MB21D2: variants seen among roughly 807,000 people sequenced by gnomAD.
MB21D2 encodes nucleotidyltransferase MB21D2.
In MB21D2, 9 loss-of-function variants were observed where a neutral mutation model predicts 33.3. The observed-to-expected ratio is 0.27, with a 90% confidence interval of 0.16 to 0.47. The LOEUF (loss-of-function observed/expected upper bound fraction) is 0.47. Among genes scored for constraint, MB21D2 ranks in the 20% least tolerant of loss-of-function variants. The pLI is 0.99. For missense variants in MB21D2, 540 were observed against 624.6 expected (o/e 0.86, Z 1.44); for synonymous variants, 241 against 236.3 (o/e 1.02, Z -0.18).
chr3:192,802,777 G>A (rs778577814), intron 1 of MB21D2, among the ~76,000 whole-genome samples: 5 of 152,130 alleles, frequency 3.3e-5, no homozygotes, highest in Non-Finnish European at 7.4e-5. Context: ...TAATGAAATC[G>A]TTTACTCTTC....
intron 1 of MB21D2, among the ~76,000 whole-genome samples, chr3:192,850,158 T>C (rs1712768095): frequency 6.6e-6 from 1 of 152,036 alleles, no homozygotes; most frequent in South Asian, 2.1e-4. Flanking sequence ...GACCTTATGA[T>C]CCACCCGCCT....
chr3:192,830,549 G>A (rs1301910341), intron 1 of MB21D2, among the ~76,000 whole-genome samples: 1 of 152,072 alleles, frequency 6.6e-6, no homozygotes, highest in African/African-American at 2.4e-5. Flanking sequence ...CCAACTTCAT[G>A]AGGCAGCCTC....
intron 1 of MB21D2, among the ~76,000 whole-genome samples, chr3:192,909,204 C>T (rs1001852154): frequency 2.7e-5 from 4 of 150,288 alleles, no homozygotes; most frequent in South Asian, 2.1e-4. Flanking sequence ...TGCAGTGAGC[C>T]GAGATCGCAC....
At chr3:192,821,375 T>A (rs909780827) in intron 1 of MB21D2, among the ~76,000 whole-genome samples, 1 of 152,126 alleles carries the variant, frequency 6.6e-6, no homozygotes, top group Non-Finnish European at 1.5e-5. Flanking sequence ...GTGTGAACTA[T>A]CCACACCTGC....
At chr3:192,810,088 C>T (rs985011226) in intron 1 of MB21D2, among the ~76,000 whole-genome samples, 3 of 152,136 alleles carry the variant, frequency 2.0e-5, no homozygotes, top group African/African-American at 7.2e-5. Flanking sequence ...AACCACAAGG[C>T]CAGAAACTTT....
At chr3:192,829,429 T>G (rs1712265271) in intron 1 of MB21D2, among the ~76,000 whole-genome samples, 1 of 152,242 alleles carries the variant, frequency 6.6e-6, no homozygotes, top group South Asian at 2.1e-4. Flanking sequence ...GGATGTGTGT[T>G]TGACTTTCTT....
rs532345985 is a variant in MB21D2 at position 192,893,415 on chromosome 3, G to A, written c.211+24215C>T. Among the ~76,000 whole-genome samples the A allele has an allele frequency of 2.1e-3, 327 of 152,192 alleles. 3 individuals carry two copies. Among genetic ancestry groups the A allele is most frequent in the African/African-American group, 7.5e-3 (310 of 41,502 alleles). On this transcript the variant is annotated intron_variant, in intron 1 of 1. Coordinates refer to ENST00000392452, the MANE Select transcript of MB21D2 (RefSeq NM_178496.4). ...ATCAGTAAGAGGCAACTCTACTTAC[G>A]GAGTCCTAAAATCACAGACCAGGAA...
chr3:192,827,729 T>C (rs985213317), intron 1 of MB21D2, among the ~76,000 whole-genome samples: 1 of 152,164 alleles, frequency 6.6e-6, no homozygotes, highest in African/African-American at 2.4e-5. Context: ...CTACACTTAG[T>C]GTCCTTTAAG....
chr3:192,831,410 T>C (rs73060285), intron 1 of MB21D2, among the ~76,000 whole-genome samples: 1,708 of 152,344 alleles, frequency 0.011, 23 homozygotes, highest in African/African-American at 0.038. Context: ...TGTGAGATCA[T>C]AAATGCTTAA....
At chr3:192,892,957 T>C (rs1713883161) in intron 1 of MB21D2, among the ~76,000 whole-genome samples, 1 of 152,176 alleles carries the variant, frequency 6.6e-6, no homozygotes, top group African/African-American at 2.4e-5. Context: ...GCAGTAAGTA[T>C]TTAAAGAAGA....
At position 192,798,581 on chromosome 3, in the gene MB21D2, C is replaced by G. The variant is rs764511353; in HGVS notation, c.1281G>C (p.Glu427Asp). 1.2e-6 allele frequency: 2 copies of G among 1,614,190 alleles called. No homozygotes were observed. The highest frequency in any genetic ancestry group is 1.7e-6 in the Non-Finnish European group (2 of 1,180,040). ...TGGTGGTGCTACCTCGCCTCTGGAG[C>G]TCCAGTGTCAGCCGGTTGGCTGCCT... The part of the protein sequence containing the change: ...HVKAANRLTL[E>D]LQRRGSTTSI... The change falls in exon 2 of 2, where the codon GAG becomes GAC. Residue 427 changes from glutamate (E) to aspartate (D), a missense_variant. Glu to Asp is a conservative substitution (Grantham distance 45). Coordinates refer to ENST00000392452, the MANE Select transcript of MB21D2 (RefSeq NM_178496.4). This position sits in a 1 kb window ranked among gnomAD's most constrained non-coding sequence, Gnocchi z 4.8.
Position 192,798,723 on chromosome 3 carries a change from G to A in MB21D2, c.1139C>T (p.Pro380Leu). The change falls in exon 2 of 2, where the codon CCT becomes CTT. Residue 380 changes from proline to leucine, a missense_variant. Coordinates refer to ENST00000392452, the MANE Select transcript of MB21D2 (RefSeq NM_178496.4). This position sits in a 1 kb window ranked among gnomAD's most constrained non-coding sequence, Gnocchi z 4.8. The part of the protein sequence containing the change: ...VNKMCPNYFI[P>L]QCNMLEHLSE... ...CAGATGTTCCAGCATGTTGCACTGA[G>A]GGATGAAATAATTGGGGCACATCTT... The A allele has an allele frequency of 6.2e-7, 1 of 1,613,396 alleles. No individual in the cohort carries two copies. The highest frequency in any genetic ancestry group is 8.5e-7 in the Non-Finnish European group (1 of 1,180,032).
At position 192,797,460 on chromosome 3, in the gene MB21D2, AAAGAGGGCAAAGC is replaced by A. The variant is rs1720546514; in HGVS notation, c.*913_*925del. ...CAGTAAGACAGGAACCAGGAATATC[AAAGAGGGCAAAGC>A]AGGACCCCACAACTGAAGGAGAACT... On this transcript the variant is annotated 3_prime_UTR_variant, in exon 2 of 2. Transcript: ENST00000392452. The A allele has an allele frequency of 1.3e-5, 2 of 152,634 alleles. No individual in the cohort carries two copies. Among genetic ancestry groups the A allele is most frequent in the South Asian group, 4.1e-4 (2 of 4,834 alleles). The allele number at this position is 152,634 out of a possible 1,614,324, so 9.5% of individuals were successfully genotyped here. A position where few individuals can be genotyped will look rare whatever the true frequency, so the allele number is the denominator to read the frequency against.
intron 1 of MB21D2, among the ~76,000 whole-genome samples, chr3:192,855,864 G>C (rs902133140): frequency 4.6e-5 from 7 of 152,318 alleles, no homozygotes; most frequent in African/African-American, 1.7e-4. Context: ...CCTGAGGTCA[G>C]GAGTTCAAGA....
intron 1 of MB21D2, among the ~76,000 whole-genome samples, chr3:192,808,088 T>A (rs552057498): frequency 4.4e-4 from 67 of 152,300 alleles, no homozygotes; most frequent in African/African-American, 1.5e-3. Flanking sequence ...GGGCATTCTC[T>A]TTTTGGCAGT....
At chr3:192,854,406 G>A (rs901123653) in intron 1 of MB21D2, among the ~76,000 whole-genome samples, 1 of 152,214 alleles carries the variant, frequency 6.6e-6, no homozygotes, top group Non-Finnish European at 1.5e-5. Flanking sequence ...GAGAGGTGAT[G>A]AAGCTGCAGA....
chr3:192,827,708 T>C (rs1301918147), intron 1 of MB21D2, among the ~76,000 whole-genome samples: 1 of 104,852 alleles, frequency 9.5e-6, no homozygotes, highest in Non-Finnish European at 1.9e-5. Context: ...CTCTAGAACA[T>C]TCTGTTCTGT....
chr3:192,878,821 G>C (rs148863705), intron 1 of MB21D2, among the ~76,000 whole-genome samples: 1 of 152,300 alleles, frequency 6.6e-6, no homozygotes, highest in East Asian at 1.9e-4. Context: ...AAAATTAGCT[G>C]GACGTGGTGG....
chr3:192,873,937 TG>T (rs1713375225), intron 1 of MB21D2, among the ~76,000 whole-genome samples: 1 of 152,158 alleles, frequency 6.6e-6, no homozygotes, highest in African/African-American at 2.4e-5. Context: ...TGACCTCAGG[TG>T]ATCTGCCCGC....
Sources: gnomAD v4.1 joint callset for allele counts (sites outside exome capture counted in the v4.1 genomes callset) on GRCh38, gnomAD v4.1.1 for gene constraint, Gnocchi (gnomAD v3.1) non-coding constraint, MANE v1.5 for transcripts, NCBI Gene and HGNC (gene_info 2026-07-23, HGNC 2026-07-21) for gene names.